The following SLCO1A2 variants were observed in gnomAD, a reference collection of about 807,000 sequenced individuals.
SLCO1A2 encodes the protein OATP-1.
Under a neutral mutation model 69.0 loss-of-function variants are expected in SLCO1A2, and 67 were observed. The ratio of observed to expected loss-of-function variants is 0.97; its 90% CI spans 0.80 to 1.19. The LOEUF is 1.19. Ranked by LOEUF, SLCO1A2 falls within the 50% of genes most tolerant of loss-of-function variation. The pLI is 0.00. For synonymous variants in SLCO1A2, 260 were observed against 265.9 expected (o/e 0.98, Z 0.22); for missense variants, 787 against 793.7 (o/e 0.99, Z 0.10).
At chr12:21,306,360 C>G (rs1420109894) in intron 5 of SLCO1A2, among the ~76,000 whole-genome samples, 1 of 151,902 alleles carries the variant, frequency 6.6e-6, no homozygotes, top group Non-Finnish European at 1.5e-5. Flanking sequence ...GAGTCTCACT[C>G]TGTTGCCCAG....
chr12:21,319,091 G>A (rs1951253591), intron 2 of SLCO1A2, among the ~76,000 whole-genome samples, 168 bp from the exon 3 acceptor site: 2 of 152,144 alleles, frequency 1.3e-5, no homozygotes, highest in Admixed American at 1.3e-4. Flanking sequence ...CTGTCATACT[G>A]TGATTTCTCT....
chr12:21,398,766 A>C (rs1941573952), upstream of SLCO1A2, among the ~76,000 whole-genome samples: 1 of 150,446 alleles, frequency 6.6e-6, no homozygotes. Flanking sequence ...AGAGCCAAAG[A>C]CAAAAACCAC....
At position 21,269,534 on chromosome 12, in the gene SLCO1A2, A is replaced by G. The variant is rs779889733; in HGVS notation, c.*14T>C. 4.4e-6 allele frequency: 7 copies of G among 1,577,442 alleles called. No individual in the cohort carries two copies. Among genetic ancestry groups the G allele is most frequent in the Non-Finnish European group, 6.1e-6 (7 of 1,150,080 alleles). On this transcript the variant is annotated 3_prime_UTR_variant, in exon 15 of 15. Transcript: ENST00000683939. ...ATGTTCTCTAATTCTGAAAAAAGTAATATAATAGGACAATTACAATTTAGT... is the reference window on the plus strand; with the variant it reads ...ATGTTCTCTAATTCTGAAAAAAGTAGTATAATAGGACAATTACAATTTAGT...
intron 12 of SLCO1A2, among the ~76,000 whole-genome samples, chr12:21,281,372 A>C (rs12311809): frequency 0.38 from 58,173 of 151,628 alleles, 12,081 homozygotes; most frequent in African/African-American, 0.55. Context: ...ATTGCTTAAA[A>C]CCAGGAGGCA....
At chr12:21,342,630 C>T (rs996861807) in intron 2 of SLCO1A2, among the ~76,000 whole-genome samples, 15 of 151,564 alleles carry the variant, frequency 9.9e-5, no homozygotes, top group East Asian at 5.8e-4. Flanking sequence ...TTAAATAGCA[C>T]GATATATAAG....
At chr12:21,332,598 G>A (rs893683611) in intron 2 of SLCO1A2, among the ~76,000 whole-genome samples, 2 of 152,080 alleles carry the variant, frequency 1.3e-5, no homozygotes, top group Non-Finnish European at 2.9e-5. Context: ...TGACCAAGAG[G>A]AGGTCCATTC....
intron 1 of SLCO1A2, among the ~76,000 whole-genome samples, chr12:21,383,703 G>A (rs908705915): frequency 6.6e-6 from 1 of 151,976 alleles, no homozygotes; most frequent in African/African-American, 2.4e-5. Context: ...TTTTATATTT[G>A]ATATGATATT....
chr12:21,347,007 T>C (rs1953273179), intron 2 of SLCO1A2, among the ~76,000 whole-genome samples: 1 of 151,384 alleles, frequency 6.6e-6, no homozygotes, highest in South Asian at 2.1e-4. Context: ...ATAGCCCATC[T>C]GTCAAGACTG....
At chr12:21,338,779 T>A (rs78185341), upstream of SLCO1A2, among the ~76,000 whole-genome samples, 14 of 152,076 alleles carry the variant, frequency 9.2e-5, 1 homozygote, top group East Asian at 2.7e-3. Flanking sequence ...AACACTGAGC[T>A]GCTCCTTTTT....
At chr12:21,278,868 C>A (rs1422086264) in intron 12 of SLCO1A2, among the ~76,000 whole-genome samples, 1 of 151,954 alleles carries the variant, frequency 6.6e-6, no homozygotes, top group African/African-American at 2.4e-5. Context: ...GCAGCAGGGA[C>A]CAATCCTGGA....
At chr12:21,384,981 GGTCTCGATCTCCTGACCTCGTCATCC>G (rs1173956591) in intron 1 of SLCO1A2, among the ~76,000 whole-genome samples, 3 of 151,878 alleles carry the variant, frequency 2.0e-5, no homozygotes, top group Non-Finnish European at 2.9e-5. Flanking sequence ...TAGCCAGGAT[GGTCTCGATCTCCTGACCTCGTCATCC>G]GTCCGTCTCG....
chr12:21,302,903 G>A (rs556822350), intron 6 of SLCO1A2, among the ~76,000 whole-genome samples: 49 of 151,752 alleles, frequency 3.2e-4, no homozygotes, highest in Middle Eastern at 3.4e-3. Flanking sequence ...TATTGATCAG[G>A]CTGGTCTCGA....
In SLCO1A2 at chr12:21,268,214, A is replaced by T. The variant is rs1942272410; in HGVS notation, c.*1334T>A. ...TACCAACTCACACTTTGAACTGGCA[A>T]CTCAGTTTCACACTTCCATTCCAGG... On this transcript the variant is annotated 3_prime_UTR_variant, in exon 15 of 15. Coordinates refer to ENST00000683939, the MANE Select transcript of SLCO1A2 (RefSeq NM_001386879.1). 6.6e-6 allele frequency: 1 copy of T among 152,098 alleles called. No homozygotes were observed. Among genetic ancestry groups the T allele is most frequent in the Admixed American group, 6.6e-5 (1 of 15,232 alleles). 9.4% of individuals were successfully genotyped at this position (152,098 alleles called of 1,614,324 possible).
At chr12:21,282,722 G>A (rs1327122518) in intron 12 of SLCO1A2, among the ~76,000 whole-genome samples, 1 of 151,942 alleles carries the variant, frequency 6.6e-6, no homozygotes, top group Non-Finnish European at 1.5e-5. Context: ...CATTCAAAAT[G>A]ATAAACAAAT....
chr12:21,347,699 A>AGGAAGGAAGGAAG (rs60038450), intron 2 of SLCO1A2, among the ~76,000 whole-genome samples: 2 of 68,480 alleles, frequency 2.9e-5, no homozygotes, highest in Non-Finnish European at 8.0e-5. Context: ...GAAGGAAGGA[A>AGGAAGGAAGGAAG]GAAGGAAAAA....
chr12:21,395,425 A>T (rs1321178867), exon 1 of SLCO1A2: 1 of 154,420 alleles, frequency 6.5e-6, no homozygotes, highest in East Asian at 1.9e-4. Flanking sequence ...TCAAACTGCA[A>T]GGCAGCAGCG....
At chr12:21,360,827 C>T (rs1938795907) in intron 2 of SLCO1A2, among the ~76,000 whole-genome samples, 1 of 152,186 alleles carries the variant, frequency 6.6e-6, no homozygotes, top group Admixed American at 6.5e-5. Context: ...AAGGCAGCAG[C>T]AAGGCTGGGG....
upstream of SLCO1A2, among the ~76,000 whole-genome samples, chr12:21,335,383 G>A (rs576627435): frequency 5.4e-4 from 74 of 138,236 alleles, 1 homozygote; most frequent in African/African-American, 7.3e-4. Flanking sequence ...GTAGCTATAC[G>A]TAATAGGTAT....
chr12:21,359,295 C>T (rs1229353398), intron 2 of SLCO1A2, among the ~76,000 whole-genome samples: 2 of 151,950 alleles, frequency 1.3e-5, no homozygotes. Flanking sequence ...AAACCAATCA[C>T]CATAAAGGGA....
Sources: gnomAD v4.1 joint callset for allele counts (sites outside exome capture counted in the v4.1 genomes callset) on GRCh38, gnomAD v4.1.1 for gene constraint, MANE v1.5 for transcripts, NCBI Gene and HGNC (gene_info 2026-07-23, HGNC 2026-07-21) for gene names.